The following CBLB variants were observed in gnomAD, a reference collection of about 807,000 sequenced individuals.
CBLB encodes the protein Cbl proto-oncogene B, also known as E3 ubiquitin-protein ligase CBL-B.
In CBLB, 31 loss-of-function variants were observed where a neutral mutation model predicts 104.9. The observed-to-expected ratio is 0.30, with a 90% confidence interval of 0.22 to 0.40. The LOEUF (loss-of-function observed/expected upper bound fraction) is 0.40. CBLB is among the 10% of genes least tolerant of loss of function. The probability of loss-of-function intolerance (pLI) is 1.00; values close to 1 mark genes in which losing one functional copy is unlikely to be tolerated. For synonymous variants in CBLB, 440 were observed against 422.6 expected (o/e 1.04, Z -0.51); for missense variants, 1,062 against 1,214.6 (o/e 0.87, Z 1.87).
intron 3 of CBLB, among the ~76,000 whole-genome samples, chr3:105,817,700 G>C (rs1235494124): frequency 6.6e-6 from 1 of 152,036 alleles, no homozygotes; most frequent in African/African-American, 2.4e-5. Context: ...AATAACTGAA[G>C]GCATTAGTTG....
Position 105,819,211 on chromosome 3 carries a change from G to A in CBLB, c.419+34203C>T, listed in dbSNP as rs542776447. Among the ~76,000 whole-genome samples the A allele has an allele frequency of 1.7e-3, 253 of 152,320 alleles. 1 individual carries two copies. Among genetic ancestry groups the A allele is most frequent in the African/African-American group, 4.4e-3 (185 of 41,580 alleles). On this transcript the variant is annotated intron_variant, in intron 3 of 18. Coordinates refer to ENST00000394030, the MANE Select transcript of CBLB (RefSeq NM_170662.5). ...TCATCAAAACACATAATGAGGCCGGGTGCAGTGGCTCACGCCTGTAATCCC... is the reference window on the plus strand; with the variant it reads ...TCATCAAAACACATAATGAGGCCGGATGCAGTGGCTCACGCCTGTAATCCC...
chr3:105,699,252 A>G (rs2068778640), intron 12 of CBLB, among the ~76,000 whole-genome samples: 1 of 152,170 alleles, frequency 6.6e-6, no homozygotes, highest in South Asian at 2.1e-4. Context: ...GGTTTAAAAA[A>G]CAGACAACTA....
chr3:105,779,669 G>GC (rs1304941678), intron 3 of CBLB, among the ~76,000 whole-genome samples: 2 of 150,208 alleles, frequency 1.3e-5, no homozygotes, highest in Non-Finnish European at 3.0e-5. Context: ...TCATTCTGTT[G>GC]GAGCTTAAAA....
chr3:105,677,259 T>C (rs1210734881), intron 17 of CBLB, among the ~76,000 whole-genome samples: 1 of 151,800 alleles, frequency 6.6e-6, no homozygotes, highest in Non-Finnish European at 1.5e-5. Flanking sequence ...TAAACCACTT[T>C]AAGAAATTGA....
intron 3 of CBLB, among the ~76,000 whole-genome samples, chr3:105,852,624 T>TAC (rs1204159453): frequency 3.9e-5 from 6 of 152,230 alleles, no homozygotes; most frequent in Middle Eastern, 3.4e-3. Flanking sequence ...TGCAGTAGTG[T>TAC]ACAGTAACAG....
chr3:105,853,782 C>T (rs950992328), intron 2 of CBLB, 118 bp from the exon 3 acceptor site: 4 of 692,936 alleles, frequency 5.8e-6, no homozygotes, highest in African/African-American at 1.8e-5. Context: ...ATGATCTTAA[C>T]TTACTATCTC....
intron 3 of CBLB, among the ~76,000 whole-genome samples, chr3:105,800,472 G>T (rs2120103): frequency 6.6e-6 from 1 of 152,032 alleles, no homozygotes; most frequent in African/African-American, 2.4e-5. Flanking sequence ...CAGCCTTAGC[G>T]GTACCAAAGC....
intron 10 of CBLB, among the ~76,000 whole-genome samples, chr3:105,709,314 T>G (rs1222458630): frequency 6.6e-6 from 1 of 151,944 alleles, no homozygotes; most frequent in Non-Finnish European, 1.5e-5. Context: ...TTTAGGGGTA[T>G]GCATGTTGTC....
At chr3:105,827,749 G>C (rs2086811444) in intron 3 of CBLB, among the ~76,000 whole-genome samples, 1 of 152,120 alleles carries the variant, frequency 6.6e-6, no homozygotes, top group Non-Finnish European at 1.5e-5. Flanking sequence ...ACATCTAACA[G>C]TTACAGATAG....
At chr3:105,819,593 TG>T (rs1221776047) in intron 3 of CBLB, among the ~76,000 whole-genome samples, 1 of 152,218 alleles carries the variant, frequency 6.6e-6, no homozygotes, top group Non-Finnish European at 1.5e-5. Context: ...TTTGTTGTTT[TG>T]TTTTGTTTGT....
At chr3:105,703,633 G>A (rs2069600786) in intron 11 of CBLB, among the ~76,000 whole-genome samples, 1 of 152,012 alleles carries the variant, frequency 6.6e-6, no homozygotes, top group South Asian at 2.1e-4. Flanking sequence ...CATTTTTCTT[G>A]TCATGGCACT....
chr3:105,715,710 T>C (rs2071753682), intron 10 of CBLB, among the ~76,000 whole-genome samples: 1 of 152,142 alleles, frequency 6.6e-6, no homozygotes, highest in Admixed American at 6.5e-5. Flanking sequence ...AGTCACTCTT[T>C]TAACTGAGAG....
intron 6 of CBLB, among the ~76,000 whole-genome samples, chr3:105,741,522 A>G (rs1196366156): frequency 2.6e-5 from 4 of 152,100 alleles, no homozygotes; most frequent in Admixed American, 6.5e-5. Context: ...CAGCCTCCCG[A>G]GTAGCTGGGA....
intron 10 of CBLB, among the ~76,000 whole-genome samples, chr3:105,713,943 T>C (rs1339443278): frequency 6.6e-6 from 1 of 152,150 alleles, no homozygotes; most frequent in Admixed American, 6.5e-5. Flanking sequence ...CCTTTAGTCA[T>C]TGCAAAAAAC....
intron 3 of CBLB, among the ~76,000 whole-genome samples, chr3:105,818,644 T>A (rs2085393420): frequency 6.6e-6 from 1 of 152,150 alleles, no homozygotes; most frequent in East Asian, 1.9e-4. Flanking sequence ...AACTGTATAT[T>A]ACCACTGAAT....
intron 9 of CBLB, among the ~76,000 whole-genome samples, chr3:105,729,861 T>A (rs558181406): frequency 7.4e-4 from 113 of 152,240 alleles, no homozygotes; most frequent in Non-Finnish European, 1.4e-3. Flanking sequence ...ATAACATATT[T>A]TAATGATCAA....
intron 3 of CBLB, among the ~76,000 whole-genome samples, chr3:105,850,379 C>G (rs1033467978): frequency 7.9e-5 from 12 of 152,014 alleles, no homozygotes; most frequent in African/African-American, 2.9e-4. Context: ...GCCAGTTTTT[C>G]TGACCTGAAA....
At position 105,704,062 on chromosome 3, in the gene CBLB, C is replaced by T. The variant is rs771867670; in HGVS notation, c.1519G>A (p.Val507Met). Reference protein sequence around the residue: ...LQIPHLSLPPVPPRLDLIQKG... With the variant: ...LQIPHLSLPPMPPRLDLIQKG... Reference sequence around the variant, plus strand: ...TGAATTAGATCCAGGCGAGGAGGCACGGGTGGCAGGCTTAGATGTGGGATC... The same window carrying T: ...TGAATTAGATCCAGGCGAGGAGGCATGGGTGGCAGGCTTAGATGTGGGATC... The change falls in exon 11 of 19, where the codon GTG (valine) becomes ATG (methionine). Residue 507 changes from valine (V) to methionine (M), a missense_variant. This residue lies in a region of CBLB where 457 missense variants were observed against 632.0 expected (regional missense o/e 0.72). Transcript: ENST00000394030. 6.8e-6 allele frequency: 11 copies of T among 1,613,964 alleles called. No individual in the cohort carries two copies. Among genetic ancestry groups the T allele is most frequent in the Admixed American group, 6.7e-5 (4 of 59,984 alleles).
intron 3 of CBLB, among the ~76,000 whole-genome samples, chr3:105,779,259 T>C (rs1302717157): frequency 1.3e-5 from 2 of 152,186 alleles, no homozygotes; most frequent in African/African-American, 4.8e-5. Flanking sequence ...GACACTAAAC[T>C]TTAAAAGAAA....
Sources: gnomAD v4.1 joint callset for allele counts (sites outside exome capture counted in the v4.1 genomes callset) on GRCh38, gnomAD v4.1.1 for gene constraint, gnomAD v4.1.1 regional missense constraint, MANE v1.5 for transcripts, NCBI Gene and HGNC (gene_info 2026-07-23, HGNC 2026-07-21) for gene names.